The following NAA60 variants were observed in gnomAD, a reference collection of about 807,000 sequenced individuals.
NAA60 encodes N-alpha-acetyltransferase 60.
A neutral mutation model predicts 26.1 loss-of-function variants in NAA60; 8 were observed. The ratio of observed to expected loss-of-function variants is 0.31; its 90% CI spans 0.18 to 0.55. The LOEUF (loss-of-function observed/expected upper bound fraction) is 0.55, where lower values mean the gene tolerates loss of function less well. Ranked by LOEUF, NAA60 falls within the 20% of genes least tolerant of loss-of-function variation. NAA60 has a pLI of 0.93. For missense variants in NAA60, 290 were observed against 311.3 expected (o/e 0.93, Z 0.51); for synonymous variants, 131 against 122.5 (o/e 1.07, Z -0.46).
chr16:3,482,543 A>T lies in NAA60; in HGVS notation c.282A>T (p.Gln94His). The change falls in exon 5 of 8, where the codon CAA (glutamine) becomes CAT (histidine). Residue 94 changes from glutamine (Q) to histidine (H), a missense_variant. Gln to His is a conservative substitution (Grantham distance 24). Coordinates refer to ENST00000407558, the MANE Select transcript of NAA60 (RefSeq NM_001083601.3). ...CATCCAACTTCTCTGTTGACACACA[A>T]GTCGCGTACATCCTAAGTCTGGGCG... ...ILASNFSVDTQVAYILSLGVV... is the reference protein window; with the variant it reads ...ILASNFSVDTHVAYILSLGVV... The T allele has an allele frequency of 6.2e-7, 1 of 1,609,184 alleles. No homozygotes were observed. The highest frequency in any genetic ancestry group is 8.5e-7 in the Non-Finnish European group (1 of 1,177,830).
At chr16:3,485,418 A>G (rs976760827) in intron 7 of NAA60, 49 bp from the exon 8 acceptor site, 9 of 461,436 alleles carry the variant, frequency 2.0e-5, no homozygotes, top group Admixed American at 7.0e-5. Context: ...GGGTGGGCAG[A>G]GTGTCTCCGC....
intron 5 of NAA60, 186 bp downstream of exon 5, chr16:3,482,784 C>T: frequency 1.6e-6 from 1 of 619,990 alleles, no homozygotes; most frequent in South Asian, 1.8e-5. Flanking sequence ...CCTGCCAGCA[C>T]ACCCACCACC....
chr16:3,446,150 A>G (rs954094511), intron 1 of NAA60, among the ~76,000 whole-genome samples: 2 of 152,226 alleles, frequency 1.3e-5, no homozygotes, highest in Admixed American at 6.5e-5. Flanking sequence ...AATTATTTCT[A>G]TAGCCCAGCA....
chr16:3,458,294 G>A, intron 2 of NAA60: 1 of 684,340 alleles, frequency 1.5e-6, no homozygotes. Flanking sequence ...CACCGGGTAC[G>A]AGCGCGCTGG....
chr16:3,460,624 C>T (rs2035326966), intron 2 of NAA60, among the ~76,000 whole-genome samples: 1 of 152,208 alleles, frequency 6.6e-6, no homozygotes, highest in Non-Finnish European at 1.5e-5. Flanking sequence ...CTCAGCCTCC[C>T]AAAGTTCTGG....
At chr16:3,485,189 A>G in intron 7 of NAA60, 128 bp downstream of exon 7, 1 of 711,132 alleles carries the variant, frequency 1.4e-6, no homozygotes, top group South Asian at 1.5e-5. Context: ...CCACCACCTT[A>G]TGCACCAGCA....
chr16:3,458,036 C>T (rs1340627429), intron 2 of NAA60: 7 of 985,232 alleles, frequency 7.1e-6, no homozygotes, highest in Non-Finnish European at 8.4e-6. Flanking sequence ...GGAAGTGCCG[C>T]GGGCTGCCGC....
chr16:3,474,892 C>T (rs1010375749), intron 2 of NAA60, among the ~76,000 whole-genome samples: 13 of 152,196 alleles, frequency 8.5e-5, no homozygotes, highest in African/African-American at 3.1e-4. Context: ...CTACGCAGTT[C>T]CTCCTAAAAA....
rs566910256 is a variant in NAA60, at chr16:3,450,561, G to A, written c.-7+2021G>A. Among the ~76,000 whole-genome samples the A allele has an allele frequency of 7.2e-4, 110 of 152,084 alleles. 1 individual carries two copies. Among genetic ancestry groups the A allele is most frequent in the African/African-American group, 2.5e-3 (103 of 41,500 alleles). ...TAAAAATACAAAAAATTAGCCGAGC[G>A]TGGTGGTGGGCACCTGTGGTCCCAG... On this transcript the variant is annotated intron_variant, in intron 2 of 7. Transcript: ENST00000407558.
chr16:3,471,106 C>A (rs558931344), intron 2 of NAA60, among the ~76,000 whole-genome samples: 1 of 152,282 alleles, frequency 6.6e-6, no homozygotes, highest in African/African-American at 2.4e-5. Context: ...AATGAGGATA[C>A]TGGGGGAAAT....
chr16:3,447,537 C>A (rs76996856), intron 1 of NAA60: 52,583 of 985,268 alleles, frequency 0.053, 1,564 homozygotes, highest in Non-Finnish European at 0.057. Flanking sequence ...CTGGTTCTTA[C>A]CGCCTTTACC....
In NAA60 at chr16:3,445,274, C is replaced by CTTTTTTTT. The variant is rs1452284919; in HGVS notation, c.-77+1438_-77+1439insTTTTTTTT. 1.6e-5 allele frequency among the ~76,000 whole-genome samples: 2 copies of CTTTTTTTT among 125,532 alleles called. 1 individual carries two copies. The allele number at this position is 125,532 out of a possible 152,430, so 82.4% of individuals were successfully genotyped here. On this transcript the variant is annotated intron_variant, in intron 1 of 7. Transcript: ENST00000407558. ...CTTTCCCTTCTTGGTTTGTGCTTATCTCTTTTTTTTTTTTTTTTTTGAGAC... is the reference window on the plus strand; with the variant it reads ...CTTTCCCTTCTTGGTTTGTGCTTATCTTTTTTTTTCTTTTTTTTTTTTTTTTTTGAGAC...
At chr16:3,448,168 A>G (rs982588419) in intron 1 of NAA60, among the ~76,000 whole-genome samples, 1 of 151,470 alleles carries the variant, frequency 6.6e-6, no homozygotes, top group African/African-American at 2.4e-5. Flanking sequence ...CAGCTACTTT[A>G]GAGGCTGAAG....
At chr16:3,444,708 G>A (rs1320485445) in intron 1 of NAA60, among the ~76,000 whole-genome samples, 2 of 152,178 alleles carry the variant, frequency 1.3e-5, no homozygotes, top group African/African-American at 2.4e-5. Flanking sequence ...TGGTTAATTC[G>A]GTGGCCCAGT....
chr16:3,477,258 T>C (rs2036541035), intron 3 of NAA60, among the ~76,000 whole-genome samples: 1 of 152,228 alleles, frequency 6.6e-6, no homozygotes, highest in Non-Finnish European at 1.5e-5. Flanking sequence ...CTATGATTGT[T>C]TCTTCTTGTC....
At chr16:3,461,187 C>T (rs2035369193) in intron 2 of NAA60, among the ~76,000 whole-genome samples, 1 of 152,148 alleles carries the variant, frequency 6.6e-6, no homozygotes, top group Non-Finnish European at 1.5e-5. Context: ...ACCAAACGGG[C>T]ATATAATAGG....
At position 3,443,783 on chromosome 16, in the gene NAA60, G is replaced by A; in HGVS notation, c.-131G>A. On this transcript the variant is annotated 5_prime_UTR_variant, in exon 1 of 8. Transcript: ENST00000407558. ...GGGGACGTAATGTTTCCGAGAAGAA[G>A]GACAGAAAGAAGACTGGGAGACACC... 1 of 1,534,350 alleles carries A rather than the reference G, an allele frequency of 6.5e-7. No individual in the cohort carries two copies. Among genetic ancestry groups the A allele is most frequent in the Non-Finnish European group, 8.7e-7 (1 of 1,146,190 alleles).
rs2037163222 is a variant in NAA60 at position 3,486,836 on chromosome 16, G to A, written c.*1576G>A. The A allele has an allele frequency of 6.6e-6, 1 of 152,506 alleles. No individual in the cohort carries two copies. Among genetic ancestry groups the A allele is most frequent in the Non-Finnish European group, 1.5e-5 (1 of 68,124 alleles). The allele number at this position is 152,506 out of a possible 1,614,324, so 9.4% of individuals were successfully genotyped here. A position where few individuals can be genotyped will look rare whatever the true frequency, so the allele number is the denominator to read the frequency against. ...GCTCTGCCATGGACATTTGTCCTCG[G>A]GCTCAGAGGCCCCACCCTGCCCCAC... On this transcript the variant is annotated 3_prime_UTR_variant, in exon 8 of 8. Transcript: ENST00000407558.
At chr16:3,460,482 G>T (rs935493117) in intron 2 of NAA60, among the ~76,000 whole-genome samples, 1 of 152,172 alleles carries the variant, frequency 6.6e-6, no homozygotes, top group African/African-American at 2.4e-5. Context: ...TCCTGCTTCA[G>T]CCTCCTGAGT....
Sources: gnomAD v4.1 joint callset for allele counts (sites outside exome capture counted in the v4.1 genomes callset) on GRCh38, gnomAD v4.1.1 for gene constraint, MANE v1.5 for transcripts, NCBI Gene and HGNC (gene_info 2026-07-23, HGNC 2026-07-21) for gene names.